Variants in TRIM7 observed in about 807,000 individuals in gnomAD.
TRIM7 encodes the protein E3 ubiquitin-protein ligase TRIM7.
A neutral mutation model predicts 37.9 loss-of-function variants in TRIM7; 32 were observed. The ratio of observed to expected loss-of-function variants is 0.84; its 90% CI spans 0.64 to 1.13. The LOEUF is 1.13. Ranked by LOEUF, TRIM7 falls within the 50% of genes most tolerant of loss-of-function variation. The pLI, the probability that TRIM7 is intolerant of heterozygous loss-of-function variation, is 0.00. For synonymous variants in TRIM7, 351 were observed against 321.3 expected (o/e 1.09, Z -0.99); for missense variants, 732 against 714.0 (o/e 1.03, Z -0.29).
intron 3 of TRIM7, chr5:181,199,596 G>A (rs530733121): frequency 3.5e-4 from 205 of 582,600 alleles, no homozygotes; most frequent in African/African-American, 2.7e-3. Flanking sequence ...GCAAAGGTGA[G>A]TATTATTTTC....
intron 3 of TRIM7, 131 bp downstream of exon 3, chr5:181,199,720 C>G: frequency 7.0e-7 from 1 of 1,423,568 alleles, no homozygotes; most frequent in Non-Finnish European, 9.2e-7. Context: ...AATCAGGGCA[C>G]TTCTCTCCAG....
chr5:181,199,351 T>A, intron 3 of TRIM7: 1 of 590,606 alleles, frequency 1.7e-6, no homozygotes, highest in Non-Finnish European at 3.0e-6. Context: ...GTGCTTTCTT[T>A]CTATCTTTGC....
Position 181,195,297 on chromosome 5 carries a change from C to A in TRIM7, c.1405G>T (p.Val469Leu). Residue 469 changes from valine (V) to leucine (L), a missense_variant, in exon 7 of 7, where the codon GTG (valine) becomes TTG (leucine). Coordinates refer to ENST00000274773, the MANE Select transcript of TRIM7 (RefSeq NM_203293.3). The part of the protein sequence containing the change: ...SRVRVALDLE[V>L]GAVSFYAVED... ...ACAGCGTAGAAGGACACGGCTCCCA[C>A]CTCCAGGTCCAGGGCCACCCGCACG... 1 of 1,603,146 alleles carries A rather than the reference C, an allele frequency of 6.2e-7. No individual in the cohort carries two copies. Among genetic ancestry groups the A allele is most frequent in the Non-Finnish European group, 8.5e-7 (1 of 1,175,274 alleles).
chr5:181,194,270 G>A lies in TRIM7; in HGVS notation c.*896C>T, dbSNP rs181532425. The A allele has an allele frequency of 6.6e-6, 1 of 152,250 alleles. No homozygotes were observed. Among genetic ancestry groups the A allele is most frequent in the Admixed American group, 6.5e-5 (1 of 15,288 alleles). 9.4% of individuals were successfully genotyped at this position (152,250 alleles called of 1,614,324 possible). A position where few individuals can be genotyped will look rare whatever the true frequency, so the allele number is the denominator to read the frequency against. On this transcript the variant is annotated 3_prime_UTR_variant, in exon 7 of 7. Coordinates refer to ENST00000274773, the MANE Select transcript of TRIM7 (RefSeq NM_203293.3). ...AAAACAAAAAAAGTTCGGGTACAGC[G>A]GCTCACACCTGTAATCCCAGCTCTT...
Position 181,195,119 on chromosome 5 carries a change from C to T in TRIM7, c.*47G>A, listed in dbSNP as rs774494415. 12 of 1,549,320 alleles carry T rather than the reference C, an allele frequency of 7.7e-6. No individual in the cohort carries two copies. In the South Asian group the frequency reaches 1.5e-4, roughly 19 times the overall value. On this transcript the variant is annotated 3_prime_UTR_variant, in exon 7 of 7. Transcript: ENST00000274773. ...CCAGGCATCTCTGGGGAGGCGACAT[C>T]CCCTCCCACCGGCAGCCCAGAGACA...
In TRIM7 at chr5:181,204,627, C is replaced by CGTGCTCGCG. The variant is rs756876285; in HGVS notation, c.475_483dup (p.Arg159_His161dup). ...ACCGCCTCGTCCAGCGGCAGCACGG[C>CGTGCTCGCG]GTGCTCGCGGTGCTCGCGGGCGCGG... On this transcript the variant is annotated inframe_insertion, in exon 1 of 7. Transcript: ENST00000274773. 2 of 1,475,464 alleles carry CGTGCTCGCG rather than the reference C, an allele frequency of 1.4e-6. No individual in the cohort carries two copies. The highest frequency in any genetic ancestry group is 1.5e-5 in the African/African-American group (1 of 67,714). 91.4% of individuals were successfully genotyped at this position (1,475,464 alleles called of 1,614,324 possible).
chr5:181,197,404 G>T (rs1011107121), intron 6 of TRIM7: 1 of 152,590 alleles, frequency 6.6e-6, no homozygotes, highest in East Asian at 1.9e-4. Flanking sequence ...AGGCAAAGAA[G>T]CAGGCCACAG....
chr5:181,205,055 A>C lies in TRIM7; in HGVS notation c.56T>G (p.Leu19Arg), dbSNP rs1757742718. 1 of 1,390,630 alleles carries C rather than the reference A, an allele frequency of 7.2e-7. No homozygotes were observed. Among genetic ancestry groups the C allele is most frequent in the African/African-American group, 1.5e-5 (1 of 65,688 alleles). The allele number at this position is 1,390,630 out of a possible 1,614,324, so 86.1% of individuals were successfully genotyped here. The change falls in exon 1 of 7, where the codon CTG (leucine) becomes CGG (arginine). Residue 19 changes from leucine to arginine, a missense_variant. Physicochemically the swap from Leu to Arg is moderately radical, Grantham distance 102. Coordinates refer to ENST00000274773, the MANE Select transcript of TRIM7 (RefSeq NM_203293.3). ...CGCCTCGCCCTGCAGCTCTGCCGCC[A>C]GCGCTAGAGCCTCGGCGCCGGTTCC... ...GPGTGAEALA[L>R]AAELQGEATC...
Position 181,199,974 on chromosome 5 carries a change from G to C in TRIM7, c.726C>G (p.Ser242=), listed in dbSNP as rs939462356. ...GRLLGRLEEL[S]REVAQKQNEN... is the part of the protein sequence containing the mutation. Reference sequence around the variant, plus strand: ...CATTCTGCTTCTGTGCCACCTCCCGGGACAGTTCCTCCAGGCGGCCTAGCA... The same window carrying C: ...CATTCTGCTTCTGTGCCACCTCCCGCGACAGTTCCTCCAGGCGGCCTAGCA... Residue 242 remains serine (S), a synonymous_variant, in exon 3 of 7, where the codon TCC becomes TCG. Coordinates refer to ENST00000274773, the MANE Select transcript of TRIM7 (RefSeq NM_203293.3). The C allele has an allele frequency of 3.1e-6, 5 of 1,614,104 alleles. No individual in the cohort carries two copies. In the Admixed American group the frequency reaches 5.0e-5, roughly 16 times the overall value.
intron 1 of TRIM7, chr5:181,203,892 G>A (rs1561651949): frequency 1.8e-5 from 23 of 1,260,838 alleles, no homozygotes; most frequent in Non-Finnish European, 2.2e-5. Context: ...ACCCCTAGTC[G>A]TCTCCTCTAC....
At position 181,198,806 on chromosome 5, in the gene TRIM7, C is replaced by G; in HGVS notation, c.873-1G>C. 1.9e-6 allele frequency: 3 copies of G among 1,609,400 alleles called. No homozygotes were observed. The highest frequency in any genetic ancestry group is 2.5e-6 in the Non-Finnish European group (3 of 1,176,618). ...CTTGGGGCCAGGCACATTGCTACAC[C>G]TGCAGGACAAGGGCTCTGAGAAGGG... is the stretch of plus-strand genomic sequence containing the variant. On this transcript the variant is annotated splice_acceptor_variant, in intron 4 of 6. Coordinates refer to ENST00000274773, the MANE Select transcript of TRIM7 (RefSeq NM_203293.3). LOFTEE classifies it high-confidence loss of function.
chr5:181,203,387 T>C (rs1757625202), intron 2 of TRIM7, 158 bp downstream of exon 2: 1 of 1,466,894 alleles, frequency 6.8e-7, no homozygotes, highest in Non-Finnish European at 9.0e-7. Context: ...TGTACAACAA[T>C]TATGTGGACA....
At chr5:181,196,867 A>G (rs1261951673) in intron 6 of TRIM7, 1 of 152,230 alleles carries the variant, frequency 6.6e-6, no homozygotes, top group Non-Finnish European at 1.5e-5. Flanking sequence ...TTTTCATAAT[A>G]AAAAGTTAAG....
chr5:181,198,683 C>A lies in TRIM7; in HGVS notation c.988+7G>T, dbSNP rs1177325485. The stretch of plus-strand genomic sequence containing the variant: ...TATGTGGCCCAGCTTGGCGCCCAGG[C>A]CCCTACCTTTGAACTTCTTCAGCAT... On this transcript the variant is annotated splice_region_variant and intron_variant, in intron 5 of 6. Coordinates refer to ENST00000274773, the MANE Select transcript of TRIM7 (RefSeq NM_203293.3). The A allele has an allele frequency of 6.2e-7, 1 of 1,605,418 alleles. No homozygotes were observed. The highest frequency in any genetic ancestry group is 8.5e-7 in the Non-Finnish European group (1 of 1,172,174).
intron 2 of TRIM7, 62 bp downstream of exon 2, chr5:181,203,483 C>T: frequency 1.2e-6 from 2 of 1,605,824 alleles, no homozygotes; most frequent in Non-Finnish European, 1.7e-6. Context: ...ACACCGAGCC[C>T]TGGTGCTGAG....
chr5:181,198,897 A>T, intron 4 of TRIM7, 92 bp from the exon 5 acceptor site: 1 of 1,221,756 alleles, frequency 8.2e-7, no homozygotes, highest in South Asian at 1.3e-5. Context: ...CTTGGCAGAA[A>T]GAGGTAGAAA....
In TRIM7 at chr5:181,198,685, C is replaced by T. The variant is rs369187975; in HGVS notation, c.988+5G>A. 27 of 1,608,518 alleles carry T rather than the reference C, an allele frequency of 1.7e-5. No individual in the cohort carries two copies. In the African/African-American group the frequency reaches 3.5e-4, roughly 21 times the overall value. On this transcript the variant is annotated splice_donor_5th_base_variant and intron_variant, in intron 5 of 6. Transcript: ENST00000274773. ...TGTGGCCCAGCTTGGCGCCCAGGCCCCTACCTTTGAACTTCTTCAGCATCC... is the reference window on the plus strand; with the variant it reads ...TGTGGCCCAGCTTGGCGCCCAGGCCTCTACCTTTGAACTTCTTCAGCATCC...
chr5:181,194,565 A>G lies in TRIM7; in HGVS notation c.*601T>C, dbSNP rs1172056873. 1 of 152,510 alleles carries G rather than the reference A, an allele frequency of 6.6e-6. No homozygotes were observed. The highest frequency in any genetic ancestry group is 1.5e-5 in the Non-Finnish European group (1 of 68,242). 9.4% of individuals were successfully genotyped at this position (152,510 alleles called of 1,614,324 possible). On this transcript the variant is annotated 3_prime_UTR_variant, in exon 7 of 7. Transcript: ENST00000274773. ...GGCTAAGGAGTGCTGGAGAGCCGTG[A>G]TGCCCACTGGCTGTTGTCCCGGGCT... is the stretch of plus-strand genomic sequence containing the variant.
intron 2 of TRIM7, chr5:181,203,237 T>A: frequency 3.4e-6 from 4 of 1,191,618 alleles, no homozygotes; most frequent in Non-Finnish European, 4.2e-6. Flanking sequence ...CATTACAAGA[T>A]GCTTCCGCAG....
Sources: allele counts gnomAD v4.1 joint callset, GRCh38; gene constraint gnomAD v4.1.1; transcripts MANE v1.5; gene names NCBI Gene and HGNC (gene_info 2026-07-23, HGNC 2026-07-21).